Variants in CACNA2D1 observed in about 807,000 individuals in gnomAD.
CACNA2D1 encodes voltage-dependent calcium channel subunit alpha-2/delta-1.
CACNA2D1 carries 53 observed loss-of-function variants against 171.5 expected under a neutral mutation model. The observed-to-expected ratio is 0.31, with a 90% CI of 0.25 to 0.39. The LOEUF (loss-of-function observed/expected upper bound fraction) is 0.39. Among genes scored for constraint, CACNA2D1 ranks in the 10% least tolerant of loss-of-function variants. CACNA2D1 has a pLI of 1.00. For missense variants in CACNA2D1, 903 were observed against 1,299.8 expected (o/e 0.69, Z 4.69); for synonymous variants, 442 against 443.1 (o/e 1.00, Z 0.03).
intron 4 of CACNA2D1, among the ~76,000 whole-genome samples, chr7:82,147,929 T>C (rs1216810957): frequency 6.6e-6 from 1 of 152,160 alleles, no homozygotes; most frequent in East Asian, 1.9e-4. Context: ...TATGTGTCTA[T>C]TATGAAATAA....
At chr7:81,985,076 C>T (rs1373722712) in intron 21 of CACNA2D1, among the ~76,000 whole-genome samples, 10 of 151,074 alleles carry the variant, frequency 6.6e-5, no homozygotes, top group Admixed American at 5.3e-4. Context: ...TATGTTTAAA[C>T]AAGGTAAATA....
intron 2 of CACNA2D1, among the ~76,000 whole-genome samples, chr7:82,345,768 A>T (rs931357704): frequency 6.6e-6 from 1 of 151,926 alleles, no homozygotes; most frequent in Non-Finnish European, 1.5e-5. Flanking sequence ...AAAAATACAT[A>T]TATATTTTTC....
chr7:81,987,427 CTGAGT>C (rs566869700), intron 21 of CACNA2D1, among the ~76,000 whole-genome samples: 24 of 152,224 alleles, frequency 1.6e-4, no homozygotes, highest in African/African-American at 4.8e-4. Context: ...ACATGGTTAA[CTGAGT>C]TAAGTGGACT....
At chr7:82,226,882 T>C (rs1453737866) in intron 3 of CACNA2D1, among the ~76,000 whole-genome samples, 1 of 152,128 alleles carries the variant, frequency 6.6e-6, no homozygotes, top group East Asian at 1.9e-4. Context: ...CTGTGCCCAG[T>C]TTAACTTGTA....
intron 3 of CACNA2D1, among the ~76,000 whole-genome samples, chr7:82,321,129 T>G (rs540638057): frequency 6.6e-6 from 1 of 152,140 alleles, no homozygotes; most frequent in Admixed American, 6.5e-5. Flanking sequence ...CTGGGCGCAA[T>G]GGCTCACGCC....
At chr7:82,052,647 T>C (rs73703108) in intron 10 of CACNA2D1, among the ~76,000 whole-genome samples, 2,438 of 152,114 alleles carry the variant, frequency 0.016, 62 homozygotes, top group African/African-American at 0.056. Context: ...CTAAAGATTA[T>C]ATATAATGTG....
chr7:82,126,858 G>C (rs1207608249), intron 5 of CACNA2D1, among the ~76,000 whole-genome samples: 1 of 152,144 alleles, frequency 6.6e-6, no homozygotes, highest in Non-Finnish European at 1.5e-5. Flanking sequence ...CTCCTCAGCT[G>C]CAACACCCAA....
chr7:82,076,853 G>A (rs3801761), intron 7 of CACNA2D1, among the ~76,000 whole-genome samples: 57,101 of 151,838 alleles, frequency 0.38, 11,177 homozygotes, highest in Non-Finnish European at 0.43. Context: ...CTAGTCTCCA[G>A]CAGTGGTTAT....
At chr7:82,360,859 T>A (rs975652748) in intron 1 of CACNA2D1, among the ~76,000 whole-genome samples, 2 of 152,096 alleles carry the variant, frequency 1.3e-5, no homozygotes, top group African/African-American at 2.4e-5. Context: ...TATTTAACAA[T>A]CAAAAAGCTG....
chr7:82,103,867 T>C (rs1039032165), intron 6 of CACNA2D1, among the ~76,000 whole-genome samples: 3 of 152,142 alleles, frequency 2.0e-5, no homozygotes, highest in Admixed American at 6.5e-5. Flanking sequence ...GTTTTTATTA[T>C]TGTATTTTCA....
intron 1 of CACNA2D1, among the ~76,000 whole-genome samples, chr7:82,441,016 C>A (rs1830463980): frequency 6.6e-6 from 1 of 150,946 alleles, no homozygotes; most frequent in African/African-American, 2.4e-5. Context: ...GAGAAATTTA[C>A]ATACAGAAGC....
At chr7:82,309,813 G>A (rs2129432179) in intron 3 of CACNA2D1, among the ~76,000 whole-genome samples, 1 of 152,272 alleles carries the variant, frequency 6.6e-6, no homozygotes, top group East Asian at 1.9e-4. Context: ...CCAGGACCCA[G>A]ATAGTCCCTG....
chr7:82,228,467 T>A (rs1160863499), intron 3 of CACNA2D1, among the ~76,000 whole-genome samples: 1 of 152,186 alleles, frequency 6.6e-6, no homozygotes, highest in South Asian at 2.1e-4. Context: ...ATCATGGAAA[T>A]GCATGGTAAT....
intron 3 of CACNA2D1, among the ~76,000 whole-genome samples, chr7:82,272,264 G>A (rs1004274861): frequency 6.6e-6 from 1 of 152,130 alleles, no homozygotes; most frequent in South Asian, 2.1e-4. Flanking sequence ...AGGAACTTTT[G>A]TACTATAGGT....
intron 3 of CACNA2D1, among the ~76,000 whole-genome samples, chr7:82,179,983 T>C (rs535319818): frequency 6.6e-6 from 1 of 152,222 alleles, no homozygotes; most frequent in East Asian, 1.9e-4. Flanking sequence ...GGGCATACCT[T>C]CGCTGAGACT....
chr7:82,198,935 T>A (rs1359899454), intron 3 of CACNA2D1, among the ~76,000 whole-genome samples: 1 of 152,070 alleles, frequency 6.6e-6, no homozygotes, highest in African/African-American at 2.4e-5. Context: ...ATGCTCCATA[T>A]TGGGGTTATA....
At position 82,337,636 on chromosome 7, in the gene CACNA2D1, G is replaced by A. The variant is rs538445150; in HGVS notation, c.178-2385C>T. On this transcript the variant is annotated intron_variant, in intron 2 of 38. Coordinates refer to ENST00000356860, the MANE Select transcript of CACNA2D1 (RefSeq NM_000722.4). ...CATTTTGTCCAATTTCTTTCTCGAA[G>A]GAAAAACAGCATGGTGGAAATAATA... is the stretch of plus-strand genomic sequence containing the variant. 2.0e-4 allele frequency among the ~76,000 whole-genome samples: 31 copies of A among 152,136 alleles called. No individual in the cohort carries two copies. The East Asian group carries it at 5.8e-3, about 28-fold the overall frequency.
At chr7:82,081,066 G>T (rs923489642) in intron 7 of CACNA2D1, among the ~76,000 whole-genome samples, 1 of 152,112 alleles carries the variant, frequency 6.6e-6, no homozygotes, top group African/African-American at 2.4e-5. Flanking sequence ...ACCTACCTAG[G>T]TTCTCACAGC....
At position 82,229,958 on chromosome 7, in the gene CACNA2D1, T is replaced by C. The variant is rs549628791; in HGVS notation, c.295-59349A>G. Reference sequence around the variant, plus strand: ...CAAAAATGTAGGTGAAGGAGGAACATGTTCTTATAAGCACAGCTCCAATTC... The same window carrying C: ...CAAAAATGTAGGTGAAGGAGGAACACGTTCTTATAAGCACAGCTCCAATTC... On this transcript the variant is annotated intron_variant, in intron 3 of 38. Transcript: ENST00000356860. Among the ~76,000 whole-genome samples the C allele has an allele frequency of 9.8e-5, 15 of 152,342 alleles. No homozygotes were observed. In the East Asian group the frequency reaches 1.2e-3, roughly 12 times the overall value.
Sources: allele counts gnomAD v4.1 joint callset (sites outside exome capture counted in the v4.1 genomes callset), GRCh38; gene constraint gnomAD v4.1.1; transcripts MANE v1.5; gene names NCBI Gene and HGNC (gene_info 2026-07-23, HGNC 2026-07-21).